MED13L: variants seen among roughly 807,000 people sequenced by gnomAD.
MED13L encodes mediator complex subunit 13L.
In MED13L, 7 loss-of-function variants were observed where a neutral mutation model predicts 220.9. That is an observed-to-expected ratio of 0.03 (90% CI 0.02 to 0.06). The LOEUF is 0.06. MED13L is among the 10% of genes least tolerant of loss of function. MED13L has a pLI of 1.00. For missense variants in MED13L, 1,965 were observed against 2,760.5 expected (o/e 0.71, Z 6.46); for synonymous variants, 1,011 against 1,015.2 (o/e 1.00, Z 0.08).
At chr12:115,975,378 A>C in intron 24 of MED13L, 65 bp from the exon 25 acceptor site, 2 of 1,611,358 alleles carry the variant, frequency 1.2e-6, no homozygotes, top group South Asian at 2.2e-5. Context: ...TTTATCACTT[A>C]TAAGACAAAC....
At chr12:116,229,437 CT>C (rs540782715) in intron 2 of MED13L, among the ~76,000 whole-genome samples, 9 of 151,970 alleles carry the variant, frequency 5.9e-5, no homozygotes, top group African/African-American at 1.2e-4. Flanking sequence ...AAAATTATAA[CT>C]TTTTTTTACC....
chr12:116,015,855 T>C (rs755203181), intron 7 of MED13L, among the ~76,000 whole-genome samples: 3 of 152,210 alleles, frequency 2.0e-5, no homozygotes, highest in Non-Finnish European at 4.4e-5. Context: ...ACTATGTATT[T>C]AAAACTTAGT....
intron 4 of MED13L, among the ~76,000 whole-genome samples, chr12:116,053,144 GTTTC>G (rs1868645228): frequency 6.6e-6 from 1 of 152,144 alleles, no homozygotes; most frequent in Non-Finnish European, 1.5e-5. Flanking sequence ...ACTAATTATA[GTTTC>G]TTATTAAAAA....
chr12:116,260,925 G>C (rs1456598882), intron 1 of MED13L, among the ~76,000 whole-genome samples: 5 of 152,142 alleles, frequency 3.3e-5, no homozygotes, highest in Admixed American at 6.5e-5. Context: ...AGATGCTCTA[G>C]GTAACAAAGG....
At chr12:116,276,404 G>A (rs1461872372) in intron 1 of MED13L, 3 of 1,284,504 alleles carry the variant, frequency 2.3e-6, no homozygotes, top group Non-Finnish European at 3.0e-6. Context: ...CACAGGAGGA[G>A]AGAAAGAAGA....
At chr12:116,205,596 T>C (rs543253308) in intron 2 of MED13L, among the ~76,000 whole-genome samples, 3 of 150,732 alleles carry the variant, frequency 2.0e-5, no homozygotes, top group South Asian at 2.1e-4. Context: ...CTCCCTACTG[T>C]TTTTGGCCAG....
intron 2 of MED13L, among the ~76,000 whole-genome samples, chr12:116,136,736 T>C: frequency 6.6e-6 from 1 of 152,368 alleles, no homozygotes; most frequent in East Asian, 1.9e-4. Context: ...GTTTTGATTA[T>C]ATTTAACCTA....
Position 116,044,782 on chromosome 12 carries a change from G to T in MED13L, c.480-22181C>A, listed in dbSNP as rs554069955. Among the ~76,000 whole-genome samples the T allele has an allele frequency of 3.3e-5, 5 of 152,130 alleles. No individual in the cohort carries two copies. The East Asian group carries it at 9.6e-4, about 29-fold the overall frequency. ...CTTTTTTAAGCCTCAGAATAGAACAGAACACCACTAATCAAGATTAAACAA... is the reference window on the plus strand; with the variant it reads ...CTTTTTTAAGCCTCAGAATAGAACATAACACCACTAATCAAGATTAAACAA... On this transcript the variant is annotated intron_variant, in intron 4 of 30. Coordinates refer to ENST00000281928, the MANE Select transcript of MED13L (RefSeq NM_015335.5).
intron 3 of MED13L, 63 bp from the exon 4 acceptor site, chr12:116,096,815 G>A: frequency 8.7e-7 from 1 of 1,151,366 alleles, no homozygotes. Context: ...AGTCGCTGAA[G>A]CAATACACCA....
At chr12:115,993,314 T>A (rs1003628387) in intron 16 of MED13L, among the ~76,000 whole-genome samples, 5 of 152,128 alleles carry the variant, frequency 3.3e-5, no homozygotes, top group East Asian at 1.9e-4. Context: ...AGAATATTTT[T>A]AAAATTTTTT....
chr12:116,246,591 CGACTT>C (rs1168601195), intron 1 of MED13L, among the ~76,000 whole-genome samples: 1 of 149,636 alleles, frequency 6.7e-6, no homozygotes, highest in Non-Finnish European at 1.5e-5. Context: ...GGCAGAAGGA[CGACTT>C]GACCTATTTG....
rs551220509 is a variant in MED13L, at chr12:116,258,898, T to G, written c.72+18162A>C. ...ATAATCTCACGAGAAATCCAAAAAT[T>G]GAAAATTTAAATATTGAGGGTTTTT... On this transcript the variant is annotated intron_variant, in intron 1 of 30. Transcript: ENST00000281928. Among the ~76,000 whole-genome samples, 5 of 149,202 alleles carry G rather than the reference T, an allele frequency of 3.4e-5. No homozygotes were observed. The South Asian group carries it at 1.0e-3, about 31-fold the overall frequency.
At chr12:116,181,296 A>G (rs1370171403) in intron 2 of MED13L, 1 of 151,892 alleles carries the variant, frequency 6.6e-6, no homozygotes, top group African/African-American at 2.4e-5. Flanking sequence ...TCATCTTTAA[A>G]AAAAAAAAAG....
chr12:116,088,042 A>G (rs1375752687), intron 4 of MED13L, among the ~76,000 whole-genome samples: 1 of 152,114 alleles, frequency 6.6e-6, no homozygotes, highest in Non-Finnish European at 1.5e-5. Flanking sequence ...ATCTGCAAAA[A>G]CCTGAGTTAC....
At chr12:116,211,022 G>C (rs560484308) in intron 2 of MED13L, among the ~76,000 whole-genome samples, 3 of 152,268 alleles carry the variant, frequency 2.0e-5, no homozygotes, top group African/African-American at 7.2e-5. Context: ...GAAGAAAGGA[G>C]ATGAAGAGGG....
intron 2 of MED13L, among the ~76,000 whole-genome samples, chr12:116,202,232 C>G (rs1882047036): frequency 6.6e-6 from 1 of 152,134 alleles, no homozygotes; most frequent in Admixed American, 6.5e-5. Flanking sequence ...TCTGCAGAGG[C>G]AAGAAGCATT....
intron 19 of MED13L, among the ~76,000 whole-genome samples, chr12:115,985,969 G>C (rs181941640): frequency 6.6e-6 from 1 of 152,130 alleles, no homozygotes; most frequent in Non-Finnish European, 1.5e-5. Context: ...CTTTCCCCTG[G>C]TGAGCAATAT....
intron 4 of MED13L, among the ~76,000 whole-genome samples, chr12:116,059,498 A>G (rs1592996942): frequency 6.6e-6 from 1 of 150,796 alleles, no homozygotes; most frequent in South Asian, 2.1e-4. Flanking sequence ...GCTCACTGCA[A>G]CCTCCGCCTC....
intron 2 of MED13L, among the ~76,000 whole-genome samples, chr12:116,151,049 A>G (rs1449888271): frequency 6.6e-6 from 1 of 152,036 alleles, no homozygotes; most frequent in Non-Finnish European, 1.5e-5. Flanking sequence ...GGTCTATCAC[A>G]ACATCTTATT....
Sources: allele counts gnomAD v4.1 joint callset (sites outside exome capture counted in the v4.1 genomes callset), GRCh38; gene constraint gnomAD v4.1.1; transcripts MANE v1.5; gene names NCBI Gene and HGNC (gene_info 2026-07-23, HGNC 2026-07-21).